Variants in SNTB1 observed in about 807,000 individuals in gnomAD.
The protein encoded by SNTB1 is syntrophin beta 1, also known as beta-1-syntrophin.
A neutral mutation model predicts 48.9 loss-of-function variants in SNTB1; 36 were observed. The ratio of observed to expected loss-of-function variants is 0.74; its 90% confidence interval spans 0.56 to 0.97. The LOEUF (loss-of-function observed/expected upper bound fraction) is 0.97. Among genes scored for constraint, SNTB1 ranks in the 50% least tolerant of loss-of-function variants. SNTB1 has a pLI of 0.00. For missense variants in SNTB1, 786 were observed against 703.4 expected (o/e 1.12, Z -1.33); for synonymous variants, 299 against 294.6 (o/e 1.01, Z -0.15).
intron 3 of SNTB1, among the ~76,000 whole-genome samples, chr8:120,607,507 T>G (rs1166881229): frequency 6.6e-6 from 1 of 152,244 alleles, no homozygotes; most frequent in Non-Finnish European, 1.5e-5. Context: ...CTGCACCCAT[T>G]AACTCGTCAT....
At chr8:120,581,844 C>T (rs540695753) in intron 3 of SNTB1, among the ~76,000 whole-genome samples, 2 of 152,184 alleles carry the variant, frequency 1.3e-5, no homozygotes, top group South Asian at 4.2e-4. Context: ...CAACCTTTGC[C>T]AGCCTGGCCA....
rs937140300 is a variant in SNTB1 at position 120,655,194 on chromosome 8, T to C, written c.789-22543A>G. Among the ~76,000 whole-genome samples the C allele has an allele frequency of 1.7e-4, 26 of 152,218 alleles. 2 individuals carry two copies. The highest frequency in any genetic ancestry group is 1.6e-3 in the Admixed American group (24 of 15,284). On this transcript the variant is annotated intron_variant, in intron 2 of 6. Coordinates refer to ENST00000517992, the MANE Select transcript of SNTB1 (RefSeq NM_021021.4). ...TTAGAAAACTTAAAAAAAAGAATAC[T>C]TGTAAACCTTTTGCGATAATGTCAT...
rs558879411 is a variant in SNTB1 at position 120,665,853 on chromosome 8, C to T, written c.788+27839G>A. Among the ~76,000 whole-genome samples, 8 of 152,238 alleles carry T rather than the reference C, an allele frequency of 5.3e-5. 1 individual carries two copies. In the South Asian group the frequency reaches 1.7e-3, roughly 32 times the overall value. On this transcript the variant is annotated intron_variant, in intron 2 of 6. Coordinates refer to ENST00000517992, the MANE Select transcript of SNTB1 (RefSeq NM_021021.4). ...TTTTTCTTGAATTGCCTTTGTACTT[C>T]TCTTGAAAGTCAATTACCCATATAT...
intron 1 of SNTB1, among the ~76,000 whole-genome samples, chr8:120,700,048 T>G (rs1229975756): frequency 6.6e-6 from 1 of 152,092 alleles, no homozygotes; most frequent in Non-Finnish European, 1.5e-5. Flanking sequence ...TCGCCCAAAG[T>G]CAGTGTTGGA....
At chr8:120,728,301 A>G (rs1481627229) in intron 1 of SNTB1, among the ~76,000 whole-genome samples, 1 of 152,124 alleles carries the variant, frequency 6.6e-6, no homozygotes, top group African/African-American at 2.4e-5. Context: ...GCTGTGAAGT[A>G]TTTTTTAAAC....
At position 120,693,818 on chromosome 8, in the gene SNTB1, C is replaced by A. The variant is rs765821022; in HGVS notation, c.662G>T (p.Arg221Leu). ...GWETPPPESP[R>L]LGGSTSDPPS... ...GGGGTCTGAGGTGCTGCCCCCTAAC[C>A]GAGGGGATTCAGGCGGAGGTGTTTC... Residue 221 changes from arginine (R) to leucine (L), a missense_variant, in exon 2 of 7, where the codon CGG becomes CTG. Transcript: ENST00000517992. 1.2e-6 allele frequency: 2 copies of A among 1,613,996 alleles called. No homozygotes were observed. Among genetic ancestry groups the A allele is most frequent in the Middle Eastern group, 1.7e-4 (1 of 6,060 alleles).
intron 3 of SNTB1, among the ~76,000 whole-genome samples, chr8:120,591,584 G>A (rs1328145436): frequency 6.6e-6 from 1 of 152,166 alleles, no homozygotes; most frequent in Non-Finnish European, 1.5e-5. Context: ...AATGCTATGG[G>A]TAGTAGATGT....
chr8:120,758,464 A>C (rs537052247), intron 1 of SNTB1, among the ~76,000 whole-genome samples: 7 of 152,306 alleles, frequency 4.6e-5, no homozygotes, highest in African/African-American at 1.7e-4. Flanking sequence ...TGAGAGATTC[A>C]AGAGAGTCAA....
At chr8:120,640,244 G>T (rs1817166904) in intron 2 of SNTB1, among the ~76,000 whole-genome samples, 2 of 152,172 alleles carry the variant, frequency 1.3e-5, no homozygotes, top group South Asian at 4.1e-4. Flanking sequence ...CTGAGACTTT[G>T]CTGAAGTTGC....
intron 1 of SNTB1, among the ~76,000 whole-genome samples, chr8:120,696,318 AAGT>A (rs1458392824): frequency 2.0e-5 from 3 of 152,220 alleles, no homozygotes; most frequent in Non-Finnish European, 4.4e-5. Context: ...GGACTTTAAA[AAGT>A]AGAGATAAGA....
intron 4 of SNTB1, among the ~76,000 whole-genome samples, chr8:120,554,979 A>G (rs545458566): frequency 6.6e-6 from 1 of 152,228 alleles, no homozygotes; most frequent in Admixed American, 6.5e-5. Context: ...TAATTCATTC[A>G]TTCATTCAAT....
At chr8:120,707,901 G>C (rs1361928533) in intron 1 of SNTB1, among the ~76,000 whole-genome samples, 1 of 151,842 alleles carries the variant, frequency 6.6e-6, no homozygotes, top group Non-Finnish European at 1.5e-5. Context: ...TTGGAAAAGG[G>C]GACTAAATTA....
chr8:120,643,471 C>T (rs1453714081), intron 2 of SNTB1, among the ~76,000 whole-genome samples: 1 of 152,156 alleles, frequency 6.6e-6, no homozygotes, highest in Non-Finnish European at 1.5e-5. Flanking sequence ...CATTCTTCTG[C>T]CTTTGCATTC....
At chr8:120,758,809 C>G (rs1819361682) in intron 1 of SNTB1, among the ~76,000 whole-genome samples, 1 of 152,186 alleles carries the variant, frequency 6.6e-6, no homozygotes, top group African/African-American at 2.4e-5. Flanking sequence ...CCTAAGGAAT[C>G]TGGACCTCAG....
chr8:120,655,606 C>T (rs185194580), intron 2 of SNTB1, among the ~76,000 whole-genome samples: 89 of 152,318 alleles, frequency 5.8e-4, no homozygotes, highest in Non-Finnish European at 1.1e-3. Context: ...AATCATTATG[C>T]TCCATCTAGC....
At chr8:120,716,813 C>T (rs894992389) in intron 1 of SNTB1, among the ~76,000 whole-genome samples, 1 of 152,094 alleles carries the variant, frequency 6.6e-6, no homozygotes, top group Non-Finnish European at 1.5e-5. Flanking sequence ...AGATTTTTTT[C>T]TAGCAGTATT....
At chr8:120,594,230 TTATG>T (rs548729884) in intron 3 of SNTB1, among the ~76,000 whole-genome samples, 1 of 151,204 alleles carries the variant, frequency 6.6e-6, no homozygotes, top group Non-Finnish European at 1.5e-5. Flanking sequence ...CACTGAGCTA[TTATG>T]TATGTATGTA....
At chr8:120,569,134 C>T (rs1815801183) in intron 4 of SNTB1, among the ~76,000 whole-genome samples, 1 of 152,180 alleles carries the variant, frequency 6.6e-6, no homozygotes, top group Non-Finnish European at 1.5e-5. Flanking sequence ...GCACCCACCA[C>T]CATGCCTGGC....
intron 4 of SNTB1, among the ~76,000 whole-genome samples, chr8:120,554,211 G>A (rs1386578604): frequency 2.0e-5 from 3 of 152,038 alleles, no homozygotes; most frequent in African/African-American, 7.2e-5. Context: ...GTTCCCGTTC[G>A]GTGACAAGGC....
Sources: gnomAD v4.1 joint callset for allele counts (sites outside exome capture counted in the v4.1 genomes callset) on GRCh38, gnomAD v4.1.1 for gene constraint, MANE v1.5 for transcripts, NCBI Gene and HGNC (gene_info 2026-07-23, HGNC 2026-07-21) for gene names.